Variants in ELAVL4 observed in about 807,000 individuals in gnomAD.
The protein encoded by ELAVL4 is ELAV-like protein 4.
In ELAVL4, 1 loss-of-function variant was observed where a neutral mutation model predicts 35.6. That is an observed-to-expected ratio of 0.03 (90% CI 0.01 to 0.13). The LOEUF (loss-of-function observed/expected upper bound fraction) is 0.13, where lower values mean the gene tolerates loss of function less well. ELAVL4 is among the 10% of genes least tolerant of loss of function. The pLI, the probability that ELAVL4 is intolerant of heterozygous loss-of-function variation, is 1.00. For missense variants in ELAVL4, 267 were observed against 464.9 expected (o/e 0.57, Z 3.91); for synonymous variants, 156 against 171.0 (o/e 0.91, Z 0.69).
chr1:50,105,905 G>A (rs1666260058), upstream of ELAVL4: 1 of 167,202 alleles, frequency 6.0e-6, no homozygotes, highest in South Asian at 1.9e-4. Context: ...GTGGCAAGAT[G>A]TTTGAAATCA....
chr1:50,115,002 C>T (rs1450191855), intron 1 of ELAVL4: 1 of 152,084 alleles, frequency 6.6e-6, no homozygotes, highest in African/African-American at 2.4e-5. Context: ...TGTCAGGGCT[C>T]TTAATAGGCT....
upstream of ELAVL4, among the ~76,000 whole-genome samples, chr1:50,107,737 A>C (rs956560235): frequency 7.2e-5 from 11 of 152,232 alleles, no homozygotes; most frequent in Admixed American, 6.5e-4. Flanking sequence ...TTATGAGTTA[A>C]ATAAATAGTG....
chr1:50,128,052 G>T (rs756709754), intron 1 of ELAVL4, among the ~76,000 whole-genome samples: 3 of 152,092 alleles, frequency 2.0e-5, no homozygotes, highest in Admixed American at 6.6e-5. Flanking sequence ...AGGTAGAAAT[G>T]TTCTGCAGGG....
At position 50,117,949 on chromosome 1, in the gene ELAVL4, T is replaced by C. The variant is rs1668240479; in HGVS notation, c.9+8751T>C. The stretch of plus-strand genomic sequence containing the variant: ...TGCATCCTCCTAGGATTTCACAAGC[T>C]GTATCCATGATCTCCTTTGGAATTA... On this transcript the variant is annotated intron_variant, in intron 1 of 6. Coordinates refer to ENST00000371824, the MANE Select transcript of ELAVL4 (RefSeq NM_001144774.3). Among the ~76,000 whole-genome samples, 5 of 152,148 alleles carry C rather than the reference T, an allele frequency of 3.3e-5. No individual in the cohort carries two copies. The South Asian group carries it at 1.0e-3, about 31-fold the overall frequency.
chr1:50,060,158 T>C (rs953060860), intron 1 of ELAVL4, among the ~76,000 whole-genome samples: 16 of 152,244 alleles, frequency 1.1e-4, no homozygotes, highest in Non-Finnish European at 2.9e-5. Flanking sequence ...AATGAAGTTA[T>C]TGTATGCCCT....
At chr1:50,165,843 T>C (rs1006795561) in intron 2 of ELAVL4, among the ~76,000 whole-genome samples, 1 of 151,606 alleles carries the variant, frequency 6.6e-6, no homozygotes, top group African/African-American at 2.4e-5. Context: ...TATATATATA[T>C]AAAGGGGAGT....
At chr1:50,083,499 G>T (rs186313295) in intron 1 of ELAVL4, among the ~76,000 whole-genome samples, 1 of 152,128 alleles carries the variant, frequency 6.6e-6, no homozygotes, top group Non-Finnish European at 1.5e-5. Context: ...ACTTGAATCA[G>T]GTATGTCTGA....
intron 2 of ELAVL4, among the ~76,000 whole-genome samples, chr1:50,165,806 G>A (rs1382934858): frequency 1.5e-4 from 23 of 151,092 alleles, no homozygotes; most frequent in South Asian, 4.2e-4. Context: ...GTGTATATGT[G>A]TGTGTGTATA....
chr1:50,127,089 C>T (rs1670059821), intron 1 of ELAVL4, among the ~76,000 whole-genome samples: 1 of 152,048 alleles, frequency 6.6e-6, no homozygotes, highest in Non-Finnish European at 1.5e-5. Context: ...ATTCCTCTTA[C>T]GATTATCTCA....
At chr1:50,170,980 C>A (rs1236068832) in intron 2 of ELAVL4, among the ~76,000 whole-genome samples, 1 of 152,112 alleles carries the variant, frequency 6.6e-6, no homozygotes, top group Admixed American at 6.6e-5. Context: ...CTGCAGCAAG[C>A]TGTGATCATG....
chr1:50,108,234 A>T (rs890026401), upstream of ELAVL4, among the ~76,000 whole-genome samples: 21 of 151,668 alleles, frequency 1.4e-4, no homozygotes, highest in Admixed American at 1.1e-3. Context: ...TACCCCCACC[A>T]TTTTTTTTCT....
At chr1:50,160,154 C>G (rs978568155) in intron 2 of ELAVL4, among the ~76,000 whole-genome samples, 1 of 152,160 alleles carries the variant, frequency 6.6e-6, no homozygotes, top group African/African-American at 2.4e-5. Flanking sequence ...TGCAATCTCA[C>G]TCGTATTCCT....
intron 3 of ELAVL4, among the ~76,000 whole-genome samples, chr1:50,189,580 G>A (rs916610514): frequency 2.0e-5 from 3 of 152,190 alleles, no homozygotes; most frequent in African/African-American, 7.2e-5. Context: ...GCCTCTACAG[G>A]CATTCCCTGG....
chr1:50,186,301 T>A, intron 3 of ELAVL4, among the ~76,000 whole-genome samples: 1 of 152,202 alleles, frequency 6.6e-6, no homozygotes, highest in East Asian at 1.9e-4. Context: ...GAGAGCATTT[T>A]TTTTTGAGCT....
chr1:50,195,667 T>A lies in ELAVL4; in HGVS notation c.615T>A (p.Ile205=), dbSNP rs754966599. 1.9e-6 allele frequency: 3 copies of A among 1,614,038 alleles called. No individual in the cohort carries two copies. The highest frequency in any genetic ancestry group is 2.5e-6 in the Non-Finnish European group (3 of 1,180,010). The change falls in exon 5 of 7, where the codon ATT becomes ATA. Residue 205 remains isoleucine (I), a synonymous_variant. Coordinates refer to ENST00000371824, the MANE Select transcript of ELAVL4 (RefSeq NM_001144774.3). ...AGCCCAGCGGTGCTACGGAACCGATTACTGTGAAGTTTGCCAACAACCCCA... is the reference window on the plus strand; with the variant it reads ...AGCCCAGCGGTGCTACGGAACCGATAACTGTGAAGTTTGCCAACAACCCCA... ...GQKPSGATEP[I]TVKFANNPSQ... is the part of the protein sequence containing the mutation.
At chr1:50,085,639 C>T (rs1026483619) in intron 1 of ELAVL4, among the ~76,000 whole-genome samples, 11 of 152,186 alleles carry the variant, frequency 7.2e-5, no homozygotes, top group African/African-American at 1.7e-4. Flanking sequence ...AGCATATTTG[C>T]GTTGTCATTG....
At chr1:50,154,316 G>A (rs1038487212) in intron 2 of ELAVL4, among the ~76,000 whole-genome samples, 2 of 152,232 alleles carry the variant, frequency 1.3e-5, no homozygotes, top group Admixed American at 6.5e-5. Flanking sequence ...CATGGCGTCT[G>A]TGATCTGAGA....
chr1:50,173,990 C>T (rs539303631), intron 2 of ELAVL4, among the ~76,000 whole-genome samples: 7 of 152,224 alleles, frequency 4.6e-5, no homozygotes, highest in South Asian at 2.1e-4. Context: ...TTTGTGAATG[C>T]GTTTCATCTA....
chr1:50,068,648 G>A (rs1317588542), intron 1 of ELAVL4, among the ~76,000 whole-genome samples: 1 of 152,214 alleles, frequency 6.6e-6, no homozygotes, highest in African/African-American at 2.4e-5. Flanking sequence ...ATGTCTGGTT[G>A]TGTGAAATCT....
Sources: gnomAD v4.1 joint callset for allele counts (sites outside exome capture counted in the v4.1 genomes callset) on GRCh38, gnomAD v4.1.1 for gene constraint, MANE v1.5 for transcripts, NCBI Gene and HGNC (gene_info 2026-07-23, HGNC 2026-07-21) for gene names.